The following CACNA1B variants were observed in gnomAD, a reference collection of about 807,000 sequenced individuals.
The protein encoded by CACNA1B is voltage-dependent N-type calcium channel subunit alpha-1B.
A neutral mutation model predicts 247.2 loss-of-function variants in CACNA1B; 70 were observed. The observed-to-expected ratio is 0.28, with a 90% CI of 0.23 to 0.35. The LOEUF is 0.35. CACNA1B is among the 10% of genes least tolerant of loss of function. The probability of loss-of-function intolerance (pLI) is 1.00; values close to 1 mark genes in which losing one functional copy is unlikely to be tolerated. For missense variants in CACNA1B, 2,367 were observed against 3,197.4 expected, an observed-to-expected ratio of 0.74 and a Z score of 6.26; for synonymous variants, 1,231 against 1,294.4, an observed-to-expected ratio of 0.95 and a Z score of 1.05.
chr9:138,069,688 A>C lies in CACNA1B; in HGVS notation c.4669-70A>C, dbSNP rs1960050876. ...CCATGTCTCCGTCTGTATGTTGTGC[A>C]CCTGCTGCTCAAACCTCCCCAATTT... On this transcript the variant is annotated intron_variant, in intron 31 of 46. Coordinates refer to ENST00000371372, the MANE Select transcript of CACNA1B (RefSeq NM_000718.4). 43 of 1,177,664 alleles carry C rather than the reference A, an allele frequency of 3.7e-5. 1 individual carries two copies. Among genetic ancestry groups the C allele is most frequent in the Non-Finnish European group, 2.2e-5 (17 of 785,996 alleles). The allele number at this position is 1,177,664 out of a possible 1,614,324, so 73.0% of individuals were successfully genotyped here.
At chr9:137,975,836 C>A in intron 11 of CACNA1B, 71 bp from the exon 12 acceptor site, 1 of 912,008 alleles carries the variant, frequency 1.1e-6, no homozygotes, top group Non-Finnish European at 1.8e-6. Context: ...GTCTGGTGTC[C>A]TCCAGTCTGG....
intron 15 of CACNA1B, among the ~76,000 whole-genome samples, chr9:138,002,685 G>C (rs922551506): frequency 6.6e-6 from 1 of 151,916 alleles, no homozygotes; most frequent in Non-Finnish European, 1.5e-5. Context: ...CTGGGCAACA[G>C]AGCAAGACCC....
In CACNA1B at chr9:138,058,099, C is replaced by G; in HGVS notation, c.4157C>G (p.Pro1386Arg). ...DATYEEQGPS[P>R]GYRMELSIFY... is the part of the protein sequence containing the mutation. ...ACCTATGAGGAGCAGGGTCCAAGCCCTGGGTACCGCATGGAGCTGTCCATC... is the reference window on the plus strand; with the variant it reads ...ACCTATGAGGAGCAGGGTCCAAGCCGTGGGTACCGCATGGAGCTGTCCATC... The change falls in exon 28 of 47, where the codon CCT (proline) becomes CGT (arginine). Residue 1386 changes from proline (P) to arginine (R), a missense_variant. Around this residue, in one of 12 missense-constraint regions of CACNA1B, gnomAD observed 436 missense variants for 679.5 expected, o/e 0.64. Transcript: ENST00000371372. This position sits in a 1 kb window ranked among gnomAD's most constrained non-coding sequence, Gnocchi z 4.7. 6.2e-7 allele frequency: 1 copy of G among 1,613,962 alleles called. No homozygotes were observed. Among genetic ancestry groups the G allele is most frequent in the Non-Finnish European group, 8.5e-7 (1 of 1,179,786 alleles).
intron 31 of CACNA1B, 112 bp from the exon 32 acceptor site, chr9:138,069,646 A>G (rs1960049175): frequency 1.3e-6 from 1 of 784,392 alleles, no homozygotes. Flanking sequence ...CATCCAACCA[A>G]CATACAATGC....
At chr9:138,107,026 C>T (rs1049400337) in intron 39 of CACNA1B, among the ~76,000 whole-genome samples, 3 of 152,008 alleles carry the variant, frequency 2.0e-5, no homozygotes, top group South Asian at 2.1e-4. Context: ...TCTGTTTCTC[C>T]GATCCCACAA....
chr9:137,964,467 C>T (rs2133355852), intron 10 of CACNA1B, among the ~76,000 whole-genome samples: 2 of 152,284 alleles, frequency 1.3e-5, no homozygotes, highest in Middle Eastern at 6.8e-3. Context: ...ATTCTTTCCT[C>T]TGCTTGATCT....
intron 6 of CACNA1B, among the ~76,000 whole-genome samples, chr9:137,923,209 G>GGTATTCCGTGGTGCCAGGTT (rs1564191150): frequency 2.1e-4 from 31 of 145,666 alleles, no homozygotes; most frequent in African/African-American, 8.0e-4. Flanking sequence ...GGTGCCAGGT[G>GGTATTCCGTGGTGCCAGGTT]GTATTCCGTG....
intron 22 of CACNA1B, 145 bp downstream of exon 22, chr9:138,047,178 G>A (rs1319496330): frequency 2.4e-6 from 2 of 847,172 alleles, no homozygotes; most frequent in East Asian, 2.7e-5. Flanking sequence ...GCCTGGCAGT[G>A]CACGACCAAA....
intron 15 of CACNA1B, among the ~76,000 whole-genome samples, chr9:138,004,326 T>C (rs534421288): frequency 7.4e-4 from 113 of 152,050 alleles, no homozygotes; most frequent in Non-Finnish European, 1.4e-3. Flanking sequence ...GGGGGGCTGA[T>C]TGCTTGAGCC....
rs561945560 is a variant in CACNA1B, at chr9:138,077,203, C to T, written c.4950-911C>T. Among the ~76,000 whole-genome samples, 29 of 152,246 alleles carry T rather than the reference C, an allele frequency of 1.9e-4. No individual in the cohort carries two copies. In the South Asian group the frequency reaches 4.8e-3, roughly 25 times the overall value. ...CCGGCTGTCATCAGTGAGGAGTGGGCCCAGCTTACGCCTGGGGCTGCGCAC... is the reference window on the plus strand; with the variant it reads ...CCGGCTGTCATCAGTGAGGAGTGGGTCCAGCTTACGCCTGGGGCTGCGCAC... On this transcript the variant is annotated intron_variant, in intron 35 of 46. Coordinates refer to ENST00000371372, the MANE Select transcript of CACNA1B (RefSeq NM_000718.4).
chr9:138,068,567 C>T (rs1343162452), intron 31 of CACNA1B: 4 of 518,380 alleles, frequency 7.7e-6, no homozygotes, highest in African/African-American at 7.7e-5. Flanking sequence ...CCGAGAGGCA[C>T]AGGTGGGCTG....
At chr9:137,922,943 C>G (rs1370572435) in intron 6 of CACNA1B, among the ~76,000 whole-genome samples, 1 of 152,170 alleles carries the variant, frequency 6.6e-6, no homozygotes, top group African/African-American at 2.4e-5. Flanking sequence ...CTCCTGCCCT[C>G]GCCCCCTCCT....
intron 36 of CACNA1B, among the ~76,000 whole-genome samples, chr9:138,092,432 T>C (rs1181480937): frequency 6.6e-6 from 1 of 152,212 alleles, no homozygotes; most frequent in African/African-American, 2.4e-5. Context: ...AGAAGAGAAA[T>C]ATGGCTCTGT....
At chr9:138,101,671 G>A (rs1304702388) in intron 37 of CACNA1B, among the ~76,000 whole-genome samples, 2 of 152,236 alleles carry the variant, frequency 1.3e-5, no homozygotes, top group Non-Finnish European at 2.9e-5. Flanking sequence ...GGCAGAGTGG[G>A]GGCCAAAGAC....
chr9:138,023,674 G>C lies in CACNA1B; in HGVS notation c.2931G>C (p.Arg977=), dbSNP rs748627122. The stretch of plus-strand genomic sequence containing the variant: ...CGGAGAGCGGGGAGGAGCCGGCGCG[G>C]CGGCACCGGGCCCGGCACAAGGCGC... ...REAESGEEPA[R]RHRARHKAQP... The change falls in exon 19 of 47, where the codon CGG becomes CGC. Residue 977 remains arginine (R), a synonymous_variant. Transcript: ENST00000371372. The C allele has an allele frequency of 6.7e-7, 1 of 1,502,698 alleles. No individual in the cohort carries two copies. Among genetic ancestry groups the C allele is most frequent in the South Asian group, 1.2e-5 (1 of 80,292 alleles). 93.1% of individuals were successfully genotyped at this position (1,502,698 alleles called of 1,614,324 possible).
chr9:138,088,142 G>A (rs1960761214), intron 36 of CACNA1B, among the ~76,000 whole-genome samples: 1 of 152,168 alleles, frequency 6.6e-6, no homozygotes, highest in Non-Finnish European at 1.5e-5. Context: ...GCCGTGGCAA[G>A]TGGATCACTT....
At chr9:138,013,069 C>A in intron 17 of CACNA1B, 60 bp from the exon 18 acceptor site, 1 of 1,197,512 alleles carries the variant, frequency 8.4e-7, no homozygotes, top group Non-Finnish European at 1.2e-6. Flanking sequence ...TATATATAGC[C>A]AGTGTTAGAG....
At chr9:138,093,175 T>A (rs1960935568) in intron 36 of CACNA1B, among the ~76,000 whole-genome samples, 1 of 151,770 alleles carries the variant, frequency 6.6e-6, no homozygotes, top group Non-Finnish European at 1.5e-5. Context: ...ATCTCAACAC[T>A]TTTGGAGGCC....
chr9:137,994,556 A>C (rs1045018381), intron 15 of CACNA1B, among the ~76,000 whole-genome samples: 1 of 152,264 alleles, frequency 6.6e-6, no homozygotes, highest in African/African-American at 2.4e-5. Context: ...GCTCTTTTAT[A>C]CATTAACAGC....
Sources: gnomAD v4.1 joint callset for allele counts (sites outside exome capture counted in the v4.1 genomes callset) on GRCh38, gnomAD v4.1.1 for gene constraint, gnomAD v4.1.1 regional missense constraint, Gnocchi (gnomAD v3.1) non-coding constraint, MANE v1.5 for transcripts, NCBI Gene and HGNC (gene_info 2026-07-23, HGNC 2026-07-21) for gene names.